The following EYA4 variants were observed in gnomAD, a reference collection of about 807,000 sequenced individuals.
The protein encoded by EYA4 is EYA transcriptional coactivator and phosphatase 4.
EYA4 carries 31 observed loss-of-function variants against 87.9 expected under a neutral mutation model. That is an observed-to-expected ratio of 0.35 (90% CI 0.27 to 0.48). The LOEUF is 0.48. Ranked by LOEUF, EYA4 falls within the 20% of genes least tolerant of loss-of-function variation. The probability of loss-of-function intolerance (pLI) is 0.99; values close to 1 mark genes in which losing one functional copy is unlikely to be tolerated. For synonymous variants in EYA4, 263 were observed against 270.6 expected (o/e 0.97, Z 0.28); for missense variants, 678 against 761.4 (o/e 0.89, Z 1.29).
chr6:133,265,268 A>G (rs1380114970), intron 1 of EYA4, among the ~76,000 whole-genome samples: 1 of 151,758 alleles, frequency 6.6e-6, no homozygotes, highest in Non-Finnish European at 1.5e-5. Flanking sequence ...GTGGTGCAAA[A>G]ATAATTGCGG....
intron 2 of EYA4, among the ~76,000 whole-genome samples, chr6:133,334,180 C>G (rs296417): frequency 0.44 from 66,670 of 152,048 alleles, 15,335 homozygotes; most frequent in Non-Finnish European, 0.53. Flanking sequence ...ACTTACAAGA[C>G]AACAGAAATT....
intron 3 of EYA4, among the ~76,000 whole-genome samples, chr6:133,431,196 C>T (rs1679430641): frequency 6.6e-6 from 1 of 151,974 alleles, no homozygotes; most frequent in Non-Finnish European, 1.5e-5. Flanking sequence ...ATCAGTGTGC[C>T]ATATAAGGAA....
At chr6:133,351,802 C>T (rs1024714051) in intron 2 of EYA4, among the ~76,000 whole-genome samples, 1 of 152,072 alleles carries the variant, frequency 6.6e-6, no homozygotes, top group South Asian at 2.1e-4. Context: ...TGGAAATTTT[C>T]AAATGTGTAC....
chr6:133,347,738 G>C (rs1783303621), intron 2 of EYA4, among the ~76,000 whole-genome samples: 1 of 152,176 alleles, frequency 6.6e-6, no homozygotes, highest in Non-Finnish European at 1.5e-5. Context: ...AAGGCACAGA[G>C]TGGTTAAATA....
intron 2 of EYA4, among the ~76,000 whole-genome samples, chr6:133,374,116 G>A (rs1430829495): frequency 1.3e-5 from 2 of 152,084 alleles, no homozygotes; most frequent in African/African-American, 4.8e-5. Flanking sequence ...AAAGGTTAAT[G>A]TGATTTGACA....
Position 133,495,250 on chromosome 6 carries a change from C to G in EYA4, c.1192-10856C>G, listed in dbSNP as rs571319518. ...CTCCACTGCATTCCAGCCTGGGCAA[C>G]AGAGTGAGACTCTGTCTCAAAAAAA... On this transcript the variant is annotated intron_variant, in intron 13 of 19. Transcript: ENST00000355286. Among the ~76,000 whole-genome samples the G allele has an allele frequency of 1.7e-4, 26 of 151,738 alleles. No homozygotes were observed. In the Middle Eastern group the frequency reaches 0.01, roughly 60 times the overall value.
intron 2 of EYA4, among the ~76,000 whole-genome samples, chr6:133,324,354 A>G (rs1781328270): frequency 6.6e-6 from 1 of 152,302 alleles, no homozygotes; most frequent in Middle Eastern, 3.4e-3. Context: ...CGGAAATGGA[A>G]GAAATTTAGA....
In EYA4 at chr6:133,506,174, T is replaced by C. The variant is rs750122346; in HGVS notation, c.1260T>C (p.His420=). The C allele has an allele frequency of 1.9e-6, 3 of 1,605,772 alleles. No homozygotes were observed. The highest frequency in any genetic ancestry group is 2.7e-5 in the African/African-American group (2 of 74,764). ...TGATTTTTAATCTTGCTGATACTCA[T>C]TTGTTTTTTAATGATTTAGAGGTAA... The part of the protein sequence containing the change: ...EEMIFNLADT[H]LFFNDLEECD... The change falls in exon 14 of 20, where the codon CAT becomes CAC. Residue 420 remains histidine (H), a synonymous_variant. Transcript: ENST00000355286.
rs560555102 is a variant in EYA4 at position 133,321,559 on chromosome 6, A to G, written c.33+46746A>G. On this transcript the variant is annotated intron_variant, in intron 2 of 19. Coordinates refer to ENST00000355286, the MANE Select transcript of EYA4 (RefSeq NM_004100.5). The stretch of plus-strand genomic sequence containing the variant: ...AGGAAGACAAGGAACTTTCCCCCTT[A>G]CTACCTATTTGAAAATCCTAAACAA... 1.1e-4 allele frequency among the ~76,000 whole-genome samples: 16 copies of G among 152,348 alleles called. No homozygotes were observed. In the South Asian group the frequency reaches 3.3e-3, roughly 32 times the overall value.
chr6:133,399,529 T>C (rs1285745254), intron 3 of EYA4, among the ~76,000 whole-genome samples: 2 of 152,198 alleles, frequency 1.3e-5, no homozygotes, highest in East Asian at 1.9e-4. Context: ...ATCAAGAATA[T>C]GTTTTCAGTG....
chr6:133,403,212 AT>A (rs1477331501), intron 3 of EYA4, among the ~76,000 whole-genome samples: 1 of 152,188 alleles, frequency 6.6e-6, no homozygotes, highest in Non-Finnish European at 1.5e-5. Context: ...AATTTATGTG[AT>A]TTTATTGCAC....
At chr6:133,436,888 A>C (rs185229232) in intron 3 of EYA4, among the ~76,000 whole-genome samples, 6 of 152,330 alleles carry the variant, frequency 3.9e-5, no homozygotes, top group African/African-American at 1.4e-4. Flanking sequence ...CAGAATAAAT[A>C]ATGGCTTCAG....
intron 13 of EYA4, among the ~76,000 whole-genome samples, chr6:133,483,600 C>T (rs1008411408): frequency 3.3e-5 from 5 of 151,654 alleles, no homozygotes; most frequent in African/African-American, 9.7e-5. Flanking sequence ...GGTAACACCC[C>T]CTCCCATACA....
intron 16 of EYA4, among the ~76,000 whole-genome samples, chr6:133,514,595 A>G (rs1056394341): frequency 2.6e-5 from 4 of 152,204 alleles, no homozygotes; most frequent in African/African-American, 9.6e-5. Context: ...ATTCTAAAAC[A>G]CAATTTCAAT....
intron 2 of EYA4, among the ~76,000 whole-genome samples, chr6:133,353,132 C>T (rs1783763666): frequency 6.6e-6 from 1 of 152,074 alleles, no homozygotes; most frequent in Admixed American, 6.5e-5. Flanking sequence ...AATGTTTATT[C>T]TCCCACAATG....
intron 3 of EYA4, among the ~76,000 whole-genome samples, chr6:133,410,035 C>G (rs537441940): frequency 6.6e-6 from 1 of 152,214 alleles, no homozygotes; most frequent in African/African-American, 2.4e-5. Flanking sequence ...TTTTGAAACA[C>G]TTCAAATACG....
chr6:133,284,293 C>T (rs1388504485), intron 2 of EYA4, among the ~76,000 whole-genome samples: 3 of 152,128 alleles, frequency 2.0e-5, no homozygotes, highest in Admixed American at 6.5e-5. Flanking sequence ...CTCAGCCCCC[C>T]GAGTAGAGTA....
chr6:133,299,837 C>T (rs1306031701), intron 2 of EYA4, among the ~76,000 whole-genome samples: 3 of 151,212 alleles, frequency 2.0e-5, no homozygotes, highest in Admixed American at 6.6e-5. Flanking sequence ...ATATGATGAT[C>T]ATGTTAAGAT....
chr6:133,496,488 C>T (rs1442399642), intron 13 of EYA4, among the ~76,000 whole-genome samples: 1 of 152,166 alleles, frequency 6.6e-6, no homozygotes, highest in Non-Finnish European at 1.5e-5. Context: ...ATTTCCCCTA[C>T]ATGACCACCC....
Sources: gnomAD v4.1 joint callset for allele counts (sites outside exome capture counted in the v4.1 genomes callset) on GRCh38, gnomAD v4.1.1 for gene constraint, MANE v1.5 for transcripts, NCBI Gene and HGNC (gene_info 2026-07-23, HGNC 2026-07-21) for gene names.